GALNT8: variants seen among roughly 807,000 people sequenced by gnomAD.
The protein encoded by GALNT8 is probable polypeptide N-acetylgalactosaminyltransferase 8.
GALNT8 carries 66 observed loss-of-function variants against 62.7 expected under a neutral mutation model. The ratio of observed to expected loss-of-function variants is 1.05; its 90% CI spans 0.86 to 1.29. The LOEUF is 1.29. Among genes scored for constraint, GALNT8 ranks in the 50% most tolerant of loss-of-function variants. The probability of loss-of-function intolerance (pLI) is 0.00; values close to 1 mark genes in which losing one functional copy is unlikely to be tolerated. For synonymous variants in GALNT8, 288 were observed against 294.3 expected, an observed-to-expected ratio of 0.98 and a Z score of 0.22; for missense variants, 771 against 791.8, an observed-to-expected ratio of 0.97 and a Z score of 0.32.
intron 7 of GALNT8, among the ~76,000 whole-genome samples, chr12:4,762,944 A>G (rs1946379549): frequency 6.6e-6 from 1 of 152,258 alleles, no homozygotes; most frequent in South Asian, 2.1e-4. Context: ...ACGTACAGAC[A>G]TCGGAAGTGA....
chr12:4,745,439 A>G lies in GALNT8; in HGVS notation c.871A>G (p.Ile291Val), dbSNP rs1323536189. 5.0e-6 allele frequency: 8 copies of G among 1,610,078 alleles called. No homozygotes were observed. The highest frequency in any genetic ancestry group is 3.3e-5 in the Admixed American group (2 of 59,996). ...IEVNVGWAEP[I>V]LARIQEDRTV... is the part of the protein sequence containing the mutation. Reference sequence around the variant, plus strand: ...ACACTCTTGTTCTAGGGCAGAGCCAATCTTGGCTCGGATTCAGGAGGACCG... The same window carrying G: ...ACACTCTTGTTCTAGGGCAGAGCCAGTCTTGGCTCGGATTCAGGAGGACCG... Residue 291 changes from isoleucine (I) to valine (V), a missense_variant, in exon 5 of 11, where the codon ATC (isoleucine) becomes GTC (valine). By Grantham distance (29) the Ile-to-Val change is conservative. Transcript: ENST00000252318.
At chr12:4,745,748 G>A in intron 5 of GALNT8, 122 bp downstream of exon 5, 1 of 728,338 alleles carries the variant, frequency 1.4e-6, no homozygotes, top group Non-Finnish European at 2.4e-6. Context: ...GAGGGGATGA[G>A]GTGAAGGACA....
chr12:4,765,462 C>T lies in GALNT8; in HGVS notation c.1677C>T (p.Asp559=). 1 of 1,612,778 alleles carries T rather than the reference C, an allele frequency of 6.2e-7. No homozygotes were observed. Among genetic ancestry groups the T allele is most frequent in the Non-Finnish European group, 8.5e-7 (1 of 1,179,570 alleles). The part of the protein sequence containing the change: ...EASASDRCLT[D]PGKAEKPTLE... ...GTGCTAGTGATCGCTGCCTGACAGA[C>T]CCTGGCAAGGCGGAGAAGCCCACCT... Residue 559 remains aspartate (D), a synonymous_variant, in exon 10 of 11, where the codon GAC becomes GAT. Coordinates refer to ENST00000252318, the MANE Select transcript of GALNT8 (RefSeq NM_017417.2).
chr12:4,748,938 T>G (rs1458745962), intron 6 of GALNT8, among the ~76,000 whole-genome samples: 2 of 152,102 alleles, frequency 1.3e-5, no homozygotes, highest in South Asian at 4.1e-4. Context: ...TTTACTTCTT[T>G]GCTTAATTCC....
chr12:4,765,673 A>G (rs1946396677), intron 10 of GALNT8, 127 bp downstream of exon 10: 4 of 661,292 alleles, frequency 6.0e-6, no homozygotes, highest in African/African-American at 1.9e-5. Flanking sequence ...CTGACAGAAA[A>G]GAGATTTGGG....
At chr12:4,760,424 A>G (rs1204121750) in intron 6 of GALNT8, among the ~76,000 whole-genome samples, 7 of 152,222 alleles carry the variant, frequency 4.6e-5, no homozygotes, top group Non-Finnish European at 1.0e-4. Flanking sequence ...TTCATGATCC[A>G]TGTAATCAAG....
intron 2 of GALNT8, among the ~76,000 whole-genome samples, chr12:4,727,852 A>G (rs573165368): frequency 2.0e-5 from 3 of 152,294 alleles, no homozygotes; most frequent in African/African-American, 7.2e-5. Flanking sequence ...TTGTGTGAAC[A>G]AATGTCTTCT....
At chr12:4,746,601 A>G (rs1334906018) in intron 6 of GALNT8, among the ~76,000 whole-genome samples, 1 of 152,174 alleles carries the variant, frequency 6.6e-6, no homozygotes, top group Non-Finnish European at 1.5e-5. Flanking sequence ...GGCCAAAGAC[A>G]GCAAAAACAG....
chr12:4,735,465 C>T (rs1184287656), intron 2 of GALNT8, among the ~76,000 whole-genome samples: 1 of 152,134 alleles, frequency 6.6e-6, no homozygotes, highest in Non-Finnish European at 1.5e-5. Context: ...TACATAGGTC[C>T]TTGGTATCAC....
In GALNT8 at chr12:4,765,576, GTTTGT is replaced by G. The variant is rs540537003; in HGVS notation, c.1761+50_1761+54del. 832 of 1,554,602 alleles carry G rather than the reference GTTTGT, an allele frequency of 5.4e-4. 3 individuals carry two copies. In the African/African-American group the frequency reaches 6.6e-3, roughly 12 times the overall value. On this transcript the variant is annotated intron_variant, in intron 10 of 10. Transcript: ENST00000252318. ...GTTATGTGTTTTTGTTTGTTGGTTT[GTTTGT>G]TTTGTTTTGTTTTGTTTTGAGACTG...
rs529922481 is a variant in GALNT8 at position 4,738,798 on chromosome 12, G to A, written c.510-365G>A. On this transcript the variant is annotated intron_variant, in intron 2 of 10. Coordinates refer to ENST00000252318, the MANE Select transcript of GALNT8 (RefSeq NM_017417.2). ...TGGTGAAGTAGAGGGTGTGTCAAAG[G>A]TGACTGGGGTCTGAGAACATGGGAA... Among the ~76,000 whole-genome samples, 7 of 152,236 alleles carry A rather than the reference G, an allele frequency of 4.6e-5. No homozygotes were observed. The East Asian group carries it at 1.4e-3, about 29-fold the overall frequency.
Position 4,726,691 on chromosome 12 carries a change from T to G in GALNT8, c.371T>G (p.Leu124Arg). 6.2e-7 allele frequency: 1 copy of G among 1,613,990 alleles called. No homozygotes were observed. The highest frequency in any genetic ancestry group is 8.5e-7 in the Non-Finnish European group (1 of 1,179,992). The part of the protein sequence containing the change: ...TQMKLFPHSQ[L>R]FRQWGEDLSE... ...ATGAAACTCTTCCCACACTCACAGC[T>G]TTTCAGGCAATGGGGCGAGGATCTT... The change falls in exon 2 of 11, where the codon CTT becomes CGT. Residue 124 changes from leucine (L) to arginine (R), a missense_variant. Leu to Arg is a moderately radical substitution (Grantham distance 102). Transcript: ENST00000252318. This position sits in a 1 kb window ranked among gnomAD's most constrained non-coding sequence, Gnocchi z 4.1.
chr12:4,765,002 A>G (rs1946392573), intron 9 of GALNT8, among the ~76,000 whole-genome samples: 2 of 152,166 alleles, frequency 1.3e-5, no homozygotes, highest in African/African-American at 4.8e-5. Context: ...TACTTGTCCA[A>G]GCTCACTGAG....
chr12:4,724,104 G>A (rs989025100), intron 1 of GALNT8, among the ~76,000 whole-genome samples: 3 of 138,020 alleles, frequency 2.2e-5, no homozygotes, highest in African/African-American at 5.4e-5. Flanking sequence ...AGCTGAGATC[G>A]TGCCACTGCA....
intron 2 of GALNT8, among the ~76,000 whole-genome samples, chr12:4,736,225 C>T (rs1002411560): frequency 1.3e-5 from 2 of 152,150 alleles, no homozygotes; most frequent in African/African-American, 4.8e-5. Flanking sequence ...GCCCCACCAG[C>T]ACTAGGGGCT....
At chr12:4,737,044 G>A (rs1010840194) in intron 2 of GALNT8, among the ~76,000 whole-genome samples, 1 of 152,162 alleles carries the variant, frequency 6.6e-6, no homozygotes, top group Non-Finnish European at 1.5e-5. Flanking sequence ...GGTTCCAAAT[G>A]ATCCTTCTAA....
At chr12:4,768,301 T>G (rs950426009) in intron 10 of GALNT8, 1 of 201,124 alleles carries the variant, frequency 5.0e-6, no homozygotes, top group East Asian at 1.3e-4. Flanking sequence ...ATGTATTTGA[T>G]TCCCTTAATA....
intron 6 of GALNT8, among the ~76,000 whole-genome samples, chr12:4,750,919 C>T (rs766295512): frequency 1.1e-4 from 16 of 152,068 alleles, no homozygotes; most frequent in Non-Finnish European, 2.4e-4. Flanking sequence ...GGTACTAGTA[C>T]AAAAACGGAC....
At position 4,739,330 on chromosome 12, in the gene GALNT8, G is replaced by C. The variant is rs561255559; in HGVS notation, c.676+1G>C. On this transcript the variant is annotated splice_donor_variant, in intron 3 of 10. Transcript: ENST00000252318. LOFTEE classifies it high-confidence loss of function. ...TTGGTGGATGATTTCAGCTCAAATGGTGAGCAACGTGATCAAAGAATAATT... is the reference window on the plus strand; with the variant it reads ...TTGGTGGATGATTTCAGCTCAAATGCTGAGCAACGTGATCAAAGAATAATT... 3.7e-6 allele frequency: 6 copies of C among 1,609,394 alleles called. No homozygotes were observed. In the South Asian group the frequency reaches 6.6e-5, roughly 18 times the overall value.
Sources: gnomAD v4.1 joint callset for allele counts (sites outside exome capture counted in the v4.1 genomes callset) on GRCh38, gnomAD v4.1.1 for gene constraint, Gnocchi (gnomAD v3.1) non-coding constraint, MANE v1.5 for transcripts, NCBI Gene and HGNC (gene_info 2026-07-23, HGNC 2026-07-21) for gene names.